PPM1B: variants seen among roughly 807,000 people sequenced by gnomAD.
The protein encoded by PPM1B is protein phosphatase 1B.
A neutral mutation model predicts 43.0 loss-of-function variants in PPM1B; 22 were observed. The ratio of observed to expected loss-of-function variants is 0.51; its 90% CI spans 0.37 to 0.73. The LOEUF (loss-of-function observed/expected upper bound fraction) is 0.73. PPM1B is among the 30% of genes least tolerant of loss of function. PPM1B has a pLI of 0.00. For synonymous variants in PPM1B, 217 were observed against 197.9 expected, an observed-to-expected ratio of 1.10 and a Z score of -0.81; for missense variants, 632 against 584.2, an observed-to-expected ratio of 1.08 and a Z score of -0.84.
At chr2:44,171,270 T>C (rs544149808) in intron 1 of PPM1B, among the ~76,000 whole-genome samples, 1 of 152,346 alleles carries the variant, frequency 6.6e-6, no homozygotes, top group African/African-American at 2.4e-5. Context: ...TGTTTTATGT[T>C]AGTAATTCAC....
chr2:44,178,792 T>C (rs6738023), intron 1 of PPM1B, among the ~76,000 whole-genome samples: 121,106 of 152,152 alleles, frequency 0.8, 48,321 homozygotes, highest in South Asian at 0.9. Flanking sequence ...TGTTTTAATT[T>C]AGTGCTGTCC....
chr2:44,196,216 A>G (rs958424439), intron 1 of PPM1B, among the ~76,000 whole-genome samples: 17 of 152,154 alleles, frequency 1.1e-4, no homozygotes, highest in East Asian at 9.6e-4. Context: ...TTTAGTCATC[A>G]TGTCTCCTTA....
rs1670098688 is a variant in PPM1B, at chr2:44,223,978, A to G, written c.1134+5441A>G. On this transcript the variant is annotated intron_variant, in intron 5 of 5. Transcript: ENST00000282412. ...AAAATTATTCATTAAATTTGACATG[A>G]TTCTTCAAGTAACATGTAATTTATT... 3.9e-5 allele frequency among the ~76,000 whole-genome samples: 6 copies of G among 152,242 alleles called. No homozygotes were observed. The South Asian group carries it at 1.0e-3, about 26-fold the overall frequency.
At chr2:44,195,326 C>T (rs1264754285) in intron 1 of PPM1B, among the ~76,000 whole-genome samples, 6 of 152,088 alleles carry the variant, frequency 3.9e-5, no homozygotes, top group Non-Finnish European at 8.8e-5. Flanking sequence ...GCCTCAGCCT[C>T]CCAAGTAGCT....
Position 44,210,015 on chromosome 2 carries a change from G to A in PPM1B, c.964+688G>A, listed in dbSNP as rs202233274. On this transcript the variant is annotated intron_variant, in intron 3 of 5. Coordinates refer to ENST00000282412, the MANE Select transcript of PPM1B (RefSeq NM_002706.6). Reference sequence around the variant, plus strand: ...TCTTTCCCTGCGTACATTCCTAGTAGTAAGTGGAGAATCCAGTGAAATTTC... The same window carrying A: ...TCTTTCCCTGCGTACATTCCTAGTAATAAGTGGAGAATCCAGTGAAATTTC... 1.4e-4 allele frequency among the ~76,000 whole-genome samples: 21 copies of A among 152,208 alleles called. No individual in the cohort carries two copies. The East Asian group carries it at 3.5e-3, about 25-fold the overall frequency.
chr2:44,212,682 A>G (rs1669530824), intron 3 of PPM1B, among the ~76,000 whole-genome samples: 1 of 151,994 alleles, frequency 6.6e-6, no homozygotes, highest in Non-Finnish European at 1.5e-5. Flanking sequence ...AGTTCATCCT[A>G]GGATTTGCTT....
At chr2:44,224,562 G>T (rs991272402) in intron 5 of PPM1B, among the ~76,000 whole-genome samples, 1 of 151,314 alleles carries the variant, frequency 6.6e-6, no homozygotes, top group Admixed American at 6.6e-5. Flanking sequence ...TTTAAAATGT[G>T]CTTAGTTCCC....
intron 1 of PPM1B, among the ~76,000 whole-genome samples, chr2:44,178,940 T>A (rs1192973708): frequency 6.6e-6 from 1 of 152,206 alleles, no homozygotes; most frequent in Non-Finnish European, 1.5e-5. Context: ...TGAAGTTAAT[T>A]AGATATTTTG....
chr2:44,221,047 T>C (rs1669956943), intron 5 of PPM1B, among the ~76,000 whole-genome samples: 1 of 152,178 alleles, frequency 6.6e-6, no homozygotes, highest in South Asian at 2.1e-4. Context: ...CCACCTTATG[T>C]TTAGAGCATA....
At chr2:44,225,193 AT>A (rs1462712071) in intron 5 of PPM1B, among the ~76,000 whole-genome samples, 1 of 152,172 alleles carries the variant, frequency 6.6e-6, no homozygotes, top group Non-Finnish European at 1.5e-5. Flanking sequence ...CACAAATATT[AT>A]TTTTCCTTCC....
intron 3 of PPM1B, among the ~76,000 whole-genome samples, chr2:44,210,366 G>A (rs538688563): frequency 4.6e-5 from 7 of 151,966 alleles, no homozygotes; most frequent in African/African-American, 9.6e-5. Flanking sequence ...CTACAGGCAC[G>A]TGCCACCACA....
intron 1 of PPM1B, among the ~76,000 whole-genome samples, chr2:44,178,270 T>C (rs1667681492): frequency 1.3e-5 from 2 of 151,918 alleles, no homozygotes; most frequent in Non-Finnish European, 2.9e-5. Flanking sequence ...ATTATTTTTG[T>C]AATTTTAATC....
At chr2:44,177,387 G>T (rs1448908256) in intron 1 of PPM1B, among the ~76,000 whole-genome samples, 2 of 141,196 alleles carry the variant, frequency 1.4e-5, no homozygotes, top group African/African-American at 2.6e-5. Flanking sequence ...GTTCTGGAGT[G>T]TTTGGAATTG....
At chr2:44,170,669 C>T (rs915701142) in intron 1 of PPM1B, among the ~76,000 whole-genome samples, 1 of 152,128 alleles carries the variant, frequency 6.6e-6, no homozygotes, top group Non-Finnish European at 1.5e-5. Context: ...TAGCAAAGTT[C>T]CTATTGTTGG....
chr2:44,205,354 G>GGTGTGTGTGTCGGGGGGTGTGTGTGT (rs1553333036), intron 2 of PPM1B, among the ~76,000 whole-genome samples: 2 of 91,822 alleles, frequency 2.2e-5, no homozygotes, highest in African/African-American at 6.8e-5. Context: ...TGTGGGTGTG[G>GGTGTGTGTGTCGGGGGGTGTGTGTGT]GTGTGTGTGT....
intron 2 of PPM1B, among the ~76,000 whole-genome samples, chr2:44,208,783 G>A (rs1669313949): frequency 6.6e-6 from 1 of 152,220 alleles, no homozygotes; most frequent in African/African-American, 2.4e-5. Flanking sequence ...TTTCAGCTAT[G>A]TTAAATTCAT....
intron 1 of PPM1B, among the ~76,000 whole-genome samples, chr2:44,189,295 A>G (rs552989604): frequency 1.3e-5 from 2 of 152,156 alleles, no homozygotes; most frequent in African/African-American, 4.8e-5. Context: ...TTTTGTCTGT[A>G]TGAGAGGAGA....
downstream of PPM1B, among the ~76,000 whole-genome samples, chr2:44,237,650 A>G (rs1167280097): frequency 6.6e-6 from 1 of 152,206 alleles, no homozygotes; most frequent in Non-Finnish European, 1.5e-5. Context: ...TAGTAGACCT[A>G]GTCTATAATA....
At chr2:44,176,115 G>GA (rs1386347416) in intron 1 of PPM1B, among the ~76,000 whole-genome samples, 1 of 152,082 alleles carries the variant, frequency 6.6e-6, no homozygotes, top group Non-Finnish European at 1.5e-5. Flanking sequence ...CCCAAAGAGA[G>GA]AAAAAGAGAT....
Sources: gnomAD v4.1 joint callset for allele counts (sites outside exome capture counted in the v4.1 genomes callset) on GRCh38, gnomAD v4.1.1 for gene constraint, MANE v1.5 for transcripts, NCBI Gene and HGNC (gene_info 2026-07-23, HGNC 2026-07-21) for gene names.